NUP93: variants seen among roughly 807,000 people sequenced by gnomAD.
The protein encoded by NUP93 is nuclear pore complex protein Nup93.
Under a neutral mutation model 107.8 loss-of-function variants are expected in NUP93, and 55 were observed. The observed-to-expected ratio is 0.51, with a 90% CI of 0.41 to 0.64. NUP93 has a LOEUF of 0.64. NUP93 is among the 30% of genes least tolerant of loss of function. NUP93 has a pLI of 0.00. For synonymous variants in NUP93, 390 were observed against 397.5 expected (o/e 0.98, Z 0.22); for missense variants, 937 against 1,044.7 (o/e 0.90, Z 1.42).
At chr16:56,801,800 G>T (rs8051691) in intron 4 of NUP93, among the ~76,000 whole-genome samples, 49,161 of 152,022 alleles carry the variant, frequency 0.32, 8,455 homozygotes, top group East Asian at 0.46. Flanking sequence ...ATTTGAACCC[G>T]GAAAGCTGAT....
chr16:56,837,170 A>C (rs1371157225), intron 17 of NUP93, among the ~76,000 whole-genome samples: 1 of 152,268 alleles, frequency 6.6e-6, no homozygotes, highest in Non-Finnish European at 1.5e-5. Flanking sequence ...TTTCTACCGA[A>C]GAACAAATGA....
Position 56,763,483 on chromosome 16 carries a change from TGTG to T in NUP93, c.297+4829_297+4831del, listed in dbSNP as rs375440924. 2.9e-3 allele frequency among the ~76,000 whole-genome samples: 442 copies of T among 149,876 alleles called. 1 individual carries two copies. Among genetic ancestry groups the T allele is most frequent in the South Asian group, 3.6e-3 (17 of 4,718 alleles). On this transcript the variant is annotated intron_variant, in intron 3 of 21. Coordinates refer to ENST00000308159, the MANE Select transcript of NUP93 (RefSeq NM_014669.5). ...TTTTTCCAAGGTAGAAGGAACTGCT[TGTG>T]TGTGTGTGTGTGGGTGGGTGTGTGT...
At position 56,805,731 on chromosome 16, in the gene NUP93, C is replaced by G. The variant is rs1394739399; in HGVS notation, c.489+99C>G. 5 of 1,292,292 alleles carry G rather than the reference C, an allele frequency of 3.9e-6. No individual in the cohort carries two copies. The African/African-American group carries it at 7.4e-5, about 19-fold the overall frequency. The allele number at this position is 1,292,292 out of a possible 1,614,324, so 80.1% of individuals were successfully genotyped here. On this transcript the variant is annotated intron_variant, in intron 5 of 21. Coordinates refer to ENST00000308159, the MANE Select transcript of NUP93 (RefSeq NM_014669.5). ...TATTTTTGGCACAGTGGATCACTGT[C>G]TTCCCCTTGAAACACTTTCTTCACT...
At chr16:56,835,969 A>AG (rs779873671) in intron 16 of NUP93, among the ~76,000 whole-genome samples, 8 of 152,246 alleles carry the variant, frequency 5.3e-5, no homozygotes, top group African/African-American at 9.6e-5. Context: ...TCTATTAAAA[A>AG]TACAAAAAAA....
chr16:56,811,620 G>T lies in NUP93; in HGVS notation c.489+5988G>T, dbSNP rs547682896. Among the ~76,000 whole-genome samples the T allele has an allele frequency of 3.3e-4, 50 of 152,064 alleles. 3 individuals are homozygous for T. In the South Asian group the frequency reaches 6.8e-3, roughly 21 times the overall value. On this transcript the variant is annotated intron_variant, in intron 5 of 21. Coordinates refer to ENST00000308159, the MANE Select transcript of NUP93 (RefSeq NM_014669.5). ...CGAATAGCTGGGATTACAGGCATGT[G>T]CCACCATGCCTGGTTAATTTTTGTA...
chr16:56,753,343 T>G (rs1209200898), intron 2 of NUP93, among the ~76,000 whole-genome samples: 1 of 152,198 alleles, frequency 6.6e-6, no homozygotes, highest in Non-Finnish European at 1.5e-5. Flanking sequence ...ATAAAAATAG[T>G]GGCACCTCAA....
At chr16:56,757,532 A>G (rs560977785) in intron 2 of NUP93, among the ~76,000 whole-genome samples, 1 of 152,194 alleles carries the variant, frequency 6.6e-6, no homozygotes, top group South Asian at 2.1e-4. Flanking sequence ...GAGTTCCCCT[A>G]AGTTTCTTTT....
intron 1 of NUP93, among the ~76,000 whole-genome samples, chr16:56,746,862 T>C (rs1418803582): frequency 6.6e-6 from 1 of 152,068 alleles, no homozygotes; most frequent in Non-Finnish European, 1.5e-5. Flanking sequence ...TGAGTCAAGA[T>C]CACACCACTG....
At chr16:56,815,828 G>C (rs1473744567) in intron 5 of NUP93, among the ~76,000 whole-genome samples, 1 of 149,162 alleles carries the variant, frequency 6.7e-6, no homozygotes, top group Admixed American at 6.9e-5. Context: ...TCACATTGTT[G>C]TAAGTAGTGG....
chr16:56,775,529 T>C (rs1962400297), intron 3 of NUP93, among the ~76,000 whole-genome samples: 1 of 137,290 alleles, frequency 7.3e-6, no homozygotes, highest in East Asian at 2.4e-4. Flanking sequence ...GGGTGTGAGA[T>C]GGCAAAGTAG....
chr16:56,798,538 G>A lies in NUP93; in HGVS notation c.360G>A (p.Arg120=), dbSNP rs1377219014. 7 of 1,613,776 alleles carry A rather than the reference G, an allele frequency of 4.3e-6. No homozygotes were observed. The South Asian group carries it at 7.7e-5, about 18-fold the overall frequency. The change falls in exon 4 of 22, where the codon AGG becomes AGA. Residue 120 remains arginine, a splice_region_variant and synonymous_variant. Transcript: ENST00000308159. Reference sequence around the variant, plus strand: ...CTGCCATCGAAGAGTCCCGGAAGAGGGTAAGAAAATTAACCAAAATGTAGA... The same window carrying A: ...CTGCCATCGAAGAGTCCCGGAAGAGAGTAAGAAAATTAACCAAAATGTAGA... The part of the protein sequence containing the change: ...LLSAIEESRK[R]TFGMAEEYHR...
chr16:56,844,477 C>A, intron 21 of NUP93, 22 bp from the exon 22 acceptor site: 2 of 1,367,220 alleles, frequency 1.5e-6, no homozygotes, highest in Non-Finnish European at 1.9e-6. Context: ...GATTTCCTTC[C>A]CTTCCTTCCC....
intron 2 of NUP93, among the ~76,000 whole-genome samples, chr16:56,752,261 A>C (rs1272609546): frequency 6.6e-6 from 1 of 152,166 alleles, no homozygotes; most frequent in African/African-American, 2.4e-5. Context: ...ACTGGTAAAA[A>C]ACACACACAA....
intron 20 of NUP93, 151 bp downstream of exon 20, chr16:56,839,755 G>A (rs1396317641): frequency 1.5e-6 from 1 of 663,504 alleles, no homozygotes; most frequent in South Asian, 1.7e-5. Flanking sequence ...AGATACCTTG[G>A]CCTGGCTTTT....
intron 2 of NUP93, among the ~76,000 whole-genome samples, chr16:56,756,289 C>A: frequency 9.7e-6 from 1 of 103,220 alleles, no homozygotes. Context: ...TGCTCTCTCT[C>A]TCCTTGCCCC....
At chr16:56,820,095 T>A (rs1339510340) in intron 6 of NUP93, among the ~76,000 whole-genome samples, 1 of 152,204 alleles carries the variant, frequency 6.6e-6, no homozygotes, top group African/African-American at 2.4e-5. Context: ...AGAGACTATG[T>A]GTCTTCTACA....
In NUP93 at chr16:56,782,085, A is replaced by G. The variant is rs571253246; in HGVS notation, c.298-16391A>G. The G allele has an allele frequency of 4.8e-5, 47 of 985,174 alleles. No individual in the cohort carries two copies. In the African/African-American group the frequency reaches 8.0e-4, roughly 17 times the overall value. The allele number at this position is 985,174 out of a possible 1,614,324, so 61.0% of individuals were successfully genotyped here. ...TCTCCCCACCCCCATCCCTCAATTCAGGCAGTTTGGGGTGGGAAAAACTTG... is the reference window on the plus strand; with the variant it reads ...TCTCCCCACCCCCATCCCTCAATTCGGGCAGTTTGGGGTGGGAAAAACTTG... On this transcript the variant is annotated intron_variant, in intron 3 of 21. Coordinates refer to ENST00000308159, the MANE Select transcript of NUP93 (RefSeq NM_014669.5).
In NUP93 at chr16:56,805,605, C is replaced by A; in HGVS notation, c.462C>A (p.Asp154Glu). 6.2e-7 allele frequency: 1 copy of A among 1,613,998 alleles called. No individual in the cohort carries two copies. The highest frequency in any genetic ancestry group is 8.5e-7 in the Non-Finnish European group (1 of 1,179,936). Reference sequence around the variant, plus strand: ...ACACACTGCTGGCATCAGGAGAAGACGCCCTTGACTTTACTCAAGAAAGCG... The same window carrying A: ...ACACACTGCTGGCATCAGGAGAAGAAGCCCTTGACTTTACTCAAGAAAGCG... ...ILHTLLASGE[D>E]ALDFTQESEP... The change falls in exon 5 of 22, where the codon GAC (aspartate) becomes GAA (glutamate). Residue 154 changes from aspartate (D) to glutamate (E), a missense_variant. By Grantham distance (45) the Asp-to-Glu change is conservative (BLOSUM62 2). Transcript: ENST00000308159.
rs1419253304 is a variant in NUP93 at position 56,828,969 on chromosome 16, T to G, written c.795-8T>G. On this transcript the variant is annotated splice_region_variant and splice_polypyrimidine_tract_variant and intron_variant, in intron 8 of 21. Coordinates refer to ENST00000308159, the MANE Select transcript of NUP93 (RefSeq NM_014669.5). Reference sequence around the variant, plus strand: ...TCTTCCCTGTTTTTTCCTTTAAAATTTTTCCAGTTATAAGAATTACACCCT... The same window carrying G: ...TCTTCCCTGTTTTTTCCTTTAAAATGTTTCCAGTTATAAGAATTACACCCT... 1 of 1,612,630 alleles carries G rather than the reference T, an allele frequency of 6.2e-7. No homozygotes were observed.
Sources: gnomAD v4.1 joint callset for allele counts (sites outside exome capture counted in the v4.1 genomes callset) on GRCh38, gnomAD v4.1.1 for gene constraint, MANE v1.5 for transcripts, NCBI Gene and HGNC (gene_info 2026-07-23, HGNC 2026-07-21) for gene names.